Variants in LHFPL6 observed in about 807,000 individuals in gnomAD.
LHFPL6 encodes LHFPL tetraspan subfamily member 6, also known as LHFPL tetraspan subfamily member 6 protein.
LHFPL6 carries 9 observed loss-of-function variants against 20.6 expected under a neutral mutation model. That is an observed-to-expected ratio of 0.44 (90% confidence interval 0.26 to 0.76). The LOEUF (loss-of-function observed/expected upper bound fraction) is 0.76, where lower values mean the gene tolerates loss of function less well. LHFPL6 is among the 30% of genes least tolerant of loss of function. The pLI is 0.20. For synonymous variants in LHFPL6, 105 were observed against 98.7 expected (o/e 1.06, Z -0.38); for missense variants, 218 against 253.5 (o/e 0.86, Z 0.95).
chr13:39,551,996 A>G (rs1871155833), intron 2 of LHFPL6, among the ~76,000 whole-genome samples: 1 of 152,220 alleles, frequency 6.6e-6, no homozygotes, highest in South Asian at 2.1e-4. Context: ...TTCCTTAATT[A>G]TGAGTGAATT....
chr13:39,425,323 T>C (rs1328121911), intron 2 of LHFPL6, among the ~76,000 whole-genome samples: 1 of 152,252 alleles, frequency 6.6e-6, no homozygotes, highest in Non-Finnish European at 1.5e-5. Flanking sequence ...CTGTTGATAA[T>C]GTCTGTGTTC....
At chr13:39,402,842 C>G (rs1241112235) in intron 2 of LHFPL6, among the ~76,000 whole-genome samples, 2 of 152,196 alleles carry the variant, frequency 1.3e-5, no homozygotes, top group Non-Finnish European at 2.9e-5. Flanking sequence ...CCAGCAGTAT[C>G]AAAAAGAAAT....
intron 2 of LHFPL6, among the ~76,000 whole-genome samples, chr13:39,480,278 G>A (rs764759494): frequency 3.9e-5 from 6 of 152,166 alleles, no homozygotes; most frequent in Non-Finnish European, 7.3e-5. Context: ...ATATTTAAAT[G>A]AAAGCACTTA....
At chr13:39,344,193 G>C (rs1869329663) in intron 3 of LHFPL6, 139 bp from the exon 4 acceptor site, 10 of 619,180 alleles carry the variant, frequency 1.6e-5, no homozygotes, top group South Asian at 6.8e-5. Context: ...ATAATAATGT[G>C]CTGAAAGTTA....
intron 2 of LHFPL6, among the ~76,000 whole-genome samples, chr13:39,381,938 G>A (rs959873950): frequency 2.6e-5 from 4 of 152,150 alleles, no homozygotes; most frequent in African/African-American, 9.7e-5. Flanking sequence ...AGTTTGAACA[G>A]TCAGCAGCAT....
At chr13:39,520,783 G>A (rs566216997) in intron 2 of LHFPL6, among the ~76,000 whole-genome samples, 2 of 152,342 alleles carry the variant, frequency 1.3e-5, no homozygotes, top group South Asian at 4.1e-4. Flanking sequence ...CTCTAGAGCA[G>A]AGACTTTCAA....
chr13:39,569,445 TG>T (rs1315975855), intron 2 of LHFPL6, among the ~76,000 whole-genome samples: 3 of 152,164 alleles, frequency 2.0e-5, no homozygotes, highest in African/African-American at 7.2e-5. Context: ...TGTTAGTTTT[TG>T]GAAATACAGG....
chr13:39,426,027 T>C (rs1451439358), intron 2 of LHFPL6, among the ~76,000 whole-genome samples: 5 of 152,106 alleles, frequency 3.3e-5, no homozygotes, highest in African/African-American at 9.7e-5. Context: ...TAAAATTTGC[T>C]ATTTTCACTA....
chr13:39,398,963 G>T (rs1433780356), intron 2 of LHFPL6, among the ~76,000 whole-genome samples: 1 of 152,162 alleles, frequency 6.6e-6, no homozygotes, highest in Non-Finnish European at 1.5e-5. Context: ...GGTCCCTGGT[G>T]CCAGAAAGTT....
chr13:39,376,927 A>G (rs1368661742), intron 3 of LHFPL6, among the ~76,000 whole-genome samples: 1 of 152,210 alleles, frequency 6.6e-6, no homozygotes, highest in African/African-American at 2.4e-5. Flanking sequence ...CAGAAGCAGG[A>G]AAGTCTCTCT....
intron 2 of LHFPL6, among the ~76,000 whole-genome samples, chr13:39,541,092 G>A (rs1870782190): frequency 6.6e-6 from 1 of 152,182 alleles, no homozygotes; most frequent in Admixed American, 6.5e-5. Flanking sequence ...AATGTAGCCA[G>A]TGTTTTGTTA....
rs372992461 is a variant in LHFPL6 at position 39,551,497 on chromosome 13, C to T, written c.385+49335G>A. On this transcript the variant is annotated intron_variant, in intron 2 of 3. Coordinates refer to ENST00000379589, the MANE Select transcript of LHFPL6 (RefSeq NM_005780.3). The stretch of plus-strand genomic sequence containing the variant: ...CACATGAACTTTTGGAGAACACATG[C>T]AAAACATAGCAATTTTGAAATCAGG... 2.6e-5 allele frequency among the ~76,000 whole-genome samples: 4 copies of T among 152,270 alleles called. No individual in the cohort carries two copies. The East Asian group carries it at 5.8e-4, about 22-fold the overall frequency.
intron 3 of LHFPL6, 138 bp from the exon 4 acceptor site, chr13:39,344,192 T>C: frequency 1.6e-6 from 1 of 620,100 alleles, no homozygotes; most frequent in Non-Finnish European, 2.8e-6. Context: ...AATAATAATG[T>C]GCTGAAAGTT....
At chr13:39,583,393 T>A (rs551922819) in intron 2 of LHFPL6, among the ~76,000 whole-genome samples, 1 of 152,088 alleles carries the variant, frequency 6.6e-6, no homozygotes, top group Non-Finnish European at 1.5e-5. Context: ...CAGGCTGGTC[T>A]TGAACTCCTG....
At chr13:39,409,636 C>A (rs572123725) in intron 2 of LHFPL6, among the ~76,000 whole-genome samples, 1 of 152,062 alleles carries the variant, frequency 6.6e-6, no homozygotes, top group Non-Finnish European at 1.5e-5. Flanking sequence ...CCACAGTACA[C>A]AAATTTGACA....
chr13:39,592,562 A>G (rs1872642231), intron 2 of LHFPL6, among the ~76,000 whole-genome samples: 1 of 152,218 alleles, frequency 6.6e-6, no homozygotes, highest in Non-Finnish European at 1.5e-5. Flanking sequence ...AGCTGGTACC[A>G]TTCCTTCTGA....
At chr13:39,554,318 C>A (rs976074415) in intron 2 of LHFPL6, among the ~76,000 whole-genome samples, 4 of 152,172 alleles carry the variant, frequency 2.6e-5, no homozygotes, top group African/African-American at 9.6e-5. Context: ...GTCTCCTTTC[C>A]TCATTCTTTT....
At chr13:39,591,969 G>A (rs774700858) in intron 2 of LHFPL6, among the ~76,000 whole-genome samples, 90 of 152,052 alleles carry the variant, frequency 5.9e-4, no homozygotes, top group African/African-American at 1.9e-3. Context: ...GATGGCAGGC[G>A]CCTGTAATCC....
intron 2 of LHFPL6, among the ~76,000 whole-genome samples, chr13:39,547,034 A>G (rs909744154): frequency 1.3e-5 from 2 of 151,620 alleles, no homozygotes; most frequent in African/African-American, 4.9e-5. Flanking sequence ...CCTGCCTCCA[A>G]TTTTCTGCCC....
Sources: allele counts gnomAD v4.1 joint callset (sites outside exome capture counted in the v4.1 genomes callset), GRCh38; gene constraint gnomAD v4.1.1; transcripts MANE v1.5; gene names NCBI Gene and HGNC (gene_info 2026-07-23, HGNC 2026-07-21).